The following PTK2 variants were observed in gnomAD, a reference collection of about 807,000 sequenced individuals.
The protein encoded by PTK2 is protein tyrosine kinase 2, also known as focal adhesion kinase 1.
In PTK2, 45 loss-of-function variants were observed where a neutral mutation model predicts 150.1. The observed-to-expected ratio is 0.30, with a 90% CI of 0.24 to 0.38. PTK2 has a LOEUF of 0.38. Among genes scored for constraint, PTK2 ranks in the 10% least tolerant of loss-of-function variants. The pLI is 1.00. For synonymous variants in PTK2, 432 were observed against 449.2 expected (o/e 0.96, Z 0.48); for missense variants, 919 against 1,307.3 (o/e 0.70, Z 4.58).
At chr8:140,691,258 C>T (rs970030753) in intron 26 of PTK2, among the ~76,000 whole-genome samples, 10 of 151,956 alleles carry the variant, frequency 6.6e-5, no homozygotes, top group African/African-American at 2.4e-4. Context: ...AAGTGATCTT[C>T]CTGTCTCTGG....
rs187228158 is a variant in PTK2 at position 140,782,597 on chromosome 8, T to C, written c.1177+6877A>G. Among the ~76,000 whole-genome samples, 150 of 152,204 alleles carry C rather than the reference T, an allele frequency of 9.9e-4. 3 individuals carry two copies. In the East Asian group the frequency reaches 0.022, roughly 23 times the overall value. On this transcript the variant is annotated intron_variant, in intron 14 of 31. Coordinates refer to ENST00000522684, the Ensembl canonical transcript of PTK2. Reference sequence around the variant, plus strand: ...CCCGTAGATTTGGTAGGGAAAAAAATGAACTACTTATATAATAGGTGACAA... The same window carrying C: ...CCCGTAGATTTGGTAGGGAAAAAAACGAACTACTTATATAATAGGTGACAA...
chr8:140,818,140 C>G, intron 10 of PTK2, 137 bp downstream of exon 10: 1 of 730,258 alleles, frequency 1.4e-6, no homozygotes, highest in East Asian at 2.7e-5. Context: ...ACTTGTCCCC[C>G]ACTCCACTGA....
At chr8:140,958,911 A>C (rs890265498) in intron 1 of PTK2, among the ~76,000 whole-genome samples, 1 of 152,110 alleles carries the variant, frequency 6.6e-6, no homozygotes, top group African/African-American at 2.4e-5. Context: ...ATTATTTTTT[A>C]TTGTGTGAAG....
chr8:140,690,597 T>C (rs950762571), intron 26 of PTK2, among the ~76,000 whole-genome samples: 2 of 152,188 alleles, frequency 1.3e-5, no homozygotes, highest in East Asian at 3.8e-4. Flanking sequence ...CAAAAATAGA[T>C]GAAAAAATTA....
At chr8:140,659,534 C>T (rs1019144207) in exon 32 of PTK2, 1 of 1,613,818 alleles carries the variant, frequency 6.2e-7, no homozygotes, top group Non-Finnish European at 8.5e-7. Context: ...AAGTTTTTGG[C>T]ATCCACAGCC....
At chr8:140,869,691 C>T (rs1306646450) in intron 4 of PTK2, among the ~76,000 whole-genome samples, 2 of 151,854 alleles carry the variant, frequency 1.3e-5, no homozygotes, top group Non-Finnish European at 2.9e-5. Context: ...ATTTAATGGG[C>T]TACAATTCAT....
intron 1 of PTK2, among the ~76,000 whole-genome samples, chr8:140,992,807 T>C (rs2100196247): frequency 6.6e-6 from 1 of 152,224 alleles, no homozygotes; most frequent in South Asian, 2.1e-4. Context: ...CAAAATGTTT[T>C]ATCTGAACAG....
chr8:140,738,987 T>C, intron 21 of PTK2, 31 bp downstream of exon 24: 1 of 1,407,732 alleles, frequency 7.1e-7, no homozygotes, highest in Non-Finnish European at 9.6e-7. Context: ...ATATAATTTT[T>C]AAAGAATACA....
intron 20 of PTK2, among the ~76,000 whole-genome samples, chr8:140,742,177 C>A (rs1394935410): frequency 6.6e-6 from 1 of 152,158 alleles, no homozygotes; most frequent in African/African-American, 2.4e-5. Context: ...ACTAATAGAT[C>A]CAAGGTGCTG....
At chr8:140,721,206 T>A (rs2100042787) in intron 22 of PTK2, among the ~76,000 whole-genome samples, 1 of 152,114 alleles carries the variant, frequency 6.6e-6, no homozygotes, top group South Asian at 2.1e-4. Flanking sequence ...TGAGTTAATA[T>A]CCAAGTAGAG....
chr8:140,666,355 A>G (rs1277172004), intron 30 of PTK2, among the ~76,000 whole-genome samples: 1 of 152,164 alleles, frequency 6.6e-6, no homozygotes, highest in African/African-American at 2.4e-5. Context: ...CAAACAAAAC[A>G]AAACAAAAAA....
chr8:140,757,415 C>CA (rs1436598036), intron 16 of PTK2, among the ~76,000 whole-genome samples: 3 of 151,796 alleles, frequency 2.0e-5, no homozygotes, highest in African/African-American at 4.8e-5. Flanking sequence ...TAAAAAACAG[C>CA]AAAAAATATA....
In PTK2 at chr8:140,997,644, C is replaced by T. The variant is rs11780030; in HGVS notation, c.-122+3481G>A. Among the ~76,000 whole-genome samples the T allele has an allele frequency of 5.7e-3, 861 of 152,184 alleles. 11 individuals carry two copies. The highest frequency in any genetic ancestry group is 0.019 in the African/African-American group (787 of 41,542). ...TCAGATGATCAACAGTATTTGACTA[C>T]GTCATGTACATTAGCTGGGCACAGT... On this transcript the variant is annotated intron_variant, in intron 1 of 31. Coordinates refer to ENST00000522684, the Ensembl canonical transcript of PTK2.
chr8:140,800,687 G>A, intron 11 of PTK2, 111 bp from the exon 12 acceptor site: 5 of 747,156 alleles, frequency 6.7e-6, no homozygotes, highest in South Asian at 1.8e-5. Flanking sequence ...GAGAAGAGTG[G>A]GAATGAAACA....
intron 2 of PTK2, among the ~76,000 whole-genome samples, chr8:140,908,050 G>GGCTTCTTGTGCCAAAAAGCCAA (rs1430317880): frequency 1.3e-5 from 2 of 152,156 alleles, no homozygotes; most frequent in African/African-American, 4.8e-5. Flanking sequence ...CCAAAAGCTA[G>GGCTTCTTGTGCCAAAAAGCCAA]GCTTCTTGTG....
At chr8:141,000,672 G>T (rs1397692646) in intron 1 of PTK2, among the ~76,000 whole-genome samples, 1 of 105,950 alleles carries the variant, frequency 9.4e-6, no homozygotes, top group East Asian at 2.7e-4. Context: ...TTCGAAAGCC[G>T]CCCCCCCCTT....
intron 1 of PTK2, among the ~76,000 whole-genome samples, chr8:140,972,533 G>C (rs1187243543): frequency 6.6e-6 from 1 of 152,174 alleles, no homozygotes; most frequent in Non-Finnish European, 1.5e-5. Flanking sequence ...CCAAAGTGCT[G>C]GGATTACAGG....
chr8:140,805,849 CTG>C (rs2100097883), intron 10 of PTK2, among the ~76,000 whole-genome samples: 1 of 152,180 alleles, frequency 6.6e-6, no homozygotes, highest in African/African-American at 2.4e-5. Flanking sequence ...TATCACTCCT[CTG>C]CTTAAAAAGG....
chr8:140,751,779 A>G (rs2100062844), intron 17 of PTK2: 1 of 379,264 alleles, frequency 2.6e-6, no homozygotes, highest in African/African-American at 2.1e-5. Context: ...AGCGTGAGCT[A>G]CCGTGCCCAG....
Sources: allele counts gnomAD v4.1 joint callset (sites outside exome capture counted in the v4.1 genomes callset), GRCh38; gene constraint gnomAD v4.1.1; transcripts MANE v1.5; gene names NCBI Gene and HGNC (gene_info 2026-07-23, HGNC 2026-07-21).